PTPRG: variants seen among roughly 807,000 people sequenced by gnomAD.
The protein encoded by PTPRG is receptor-type tyrosine-protein phosphatase gamma.
In PTPRG, 102 loss-of-function variants were observed where a neutral mutation model predicts 165.3. The observed-to-expected ratio is 0.62, with a 90% CI of 0.53 to 0.73. PTPRG has a LOEUF of 0.73. Ranked by LOEUF, PTPRG falls within the 30% of genes least tolerant of loss-of-function variation. The probability of loss-of-function intolerance (pLI) is 0.00; values close to 1 mark genes in which losing one functional copy is unlikely to be tolerated. For missense variants in PTPRG, 1,866 were observed against 1,861.4 expected (o/e 1.00, Z -0.05); for synonymous variants, 675 against 669.5 (o/e 1.01, Z -0.13).
At chr3:61,798,619 G>GTT (rs375412571) in intron 2 of PTPRG, among the ~76,000 whole-genome samples, 10,441 of 128,048 alleles carry the variant, frequency 0.082, 555 homozygotes, top group South Asian at 0.17. Flanking sequence ...GTTGCTGCTG[G>GTT]TTTTTTTTTT....
At chr3:61,840,605 T>A (rs2036597613) in intron 2 of PTPRG, among the ~76,000 whole-genome samples, 1 of 152,148 alleles carries the variant, frequency 6.6e-6, no homozygotes, top group South Asian at 2.1e-4. Context: ...AATATTCTTT[T>A]ATCAAAGAAT....
rs1262099019 is a variant in PTPRG at position 62,277,557 on chromosome 3, TATAGGAGCAATGAATTTATTA to T, written c.3644_3664del (p.Tyr1215_Ile1222delinsLeu). On this transcript the variant is annotated inframe_deletion, in exon 26 of 30. Transcript: ENST00000474889. The stretch of plus-strand genomic sequence containing the variant: ...TTTGTCTTCCCAACTGAAGGGCTAT[TATAGGAGCAATGAATTTATTA>T]TAACTCAGCATCCTCTGCCACATAC... The T allele has an allele frequency of 6.2e-7, 1 of 1,610,658 alleles. No individual in the cohort carries two copies. Among genetic ancestry groups the T allele is most frequent in the Non-Finnish European group, 8.5e-7 (1 of 1,179,056 alleles).
rs529910468 is a variant in PTPRG at position 62,222,034 on chromosome 3, C to G, written c.2288+3051C>G. ...ACGGTAGGTACTATCACTGTCCTTTCTATTTGACCCACATTCTTTGACCAA... is the reference window on the plus strand; with the variant it reads ...ACGGTAGGTACTATCACTGTCCTTTGTATTTGACCCACATTCTTTGACCAA... On this transcript the variant is annotated intron_variant, in intron 13 of 29. Coordinates refer to ENST00000474889, the MANE Select transcript of PTPRG (RefSeq NM_002841.4). The surrounding 1 kb of genome is among the most constrained non-coding windows in gnomAD (Gnocchi z 4.5). Among the ~76,000 whole-genome samples the G allele has an allele frequency of 6.6e-5, 10 of 152,334 alleles. No homozygotes were observed. The highest frequency in any genetic ancestry group is 2.4e-4 in the African/African-American group (10 of 41,586).
Position 62,180,877 on chromosome 3 carries a change from A to T in PTPRG, c.1034-10592A>T, listed in dbSNP as rs140037754. On this transcript the variant is annotated intron_variant, in intron 8 of 29. Transcript: ENST00000474889. ...GTCGAAACCAGTGCTTGAACTGGAG[A>T]ATTGAATTTCTGCCTCTGCTTTCCC... 6.5e-3 allele frequency among the ~76,000 whole-genome samples: 992 copies of T among 152,258 alleles called. 10 individuals are homozygous for T. The highest frequency in any genetic ancestry group is 0.023 in the African/African-American group (954 of 41,540).
At chr3:61,592,056 C>T (rs1700583106) in intron 1 of PTPRG, among the ~76,000 whole-genome samples, 1 of 151,912 alleles carries the variant, frequency 6.6e-6, no homozygotes, top group Admixed American at 6.6e-5. Flanking sequence ...TCACCGCAGC[C>T]TCCGCCTCCT....
intron 2 of PTPRG, among the ~76,000 whole-genome samples, chr3:61,968,420 A>G (rs1034567353): frequency 3.9e-5 from 6 of 152,146 alleles, no homozygotes; most frequent in Non-Finnish European, 7.4e-5. Context: ...TCTGTGCATA[A>G]CTGTTCCTTT....
intron 4 of PTPRG, among the ~76,000 whole-genome samples, chr3:62,024,662 T>C (rs2041767674): frequency 1.3e-5 from 2 of 152,220 alleles, no homozygotes; most frequent in Non-Finnish European, 2.9e-5. Context: ...TATGTCACCC[T>C]TTCTTACCAA....
At chr3:61,865,177 T>G (rs897342668) in intron 2 of PTPRG, among the ~76,000 whole-genome samples, 1 of 152,080 alleles carries the variant, frequency 6.6e-6, no homozygotes, top group African/African-American at 2.4e-5. Context: ...AGAAATGCCT[T>G]GGATATTTGT....
intron 2 of PTPRG, among the ~76,000 whole-genome samples, chr3:61,871,432 G>C (rs746963204): frequency 6.6e-6 from 1 of 151,846 alleles, no homozygotes; most frequent in Non-Finnish European, 1.5e-5. Context: ...GGGTCTTACT[G>C]GTCTCAAGCA....
chr3:62,124,989 T>C (rs1008490162), intron 5 of PTPRG, among the ~76,000 whole-genome samples: 1 of 152,180 alleles, frequency 6.6e-6, no homozygotes, highest in Non-Finnish European at 1.5e-5. Flanking sequence ...TGAAGGATCA[T>C]CTTAGAGTGA....
At chr3:61,660,647 C>G (rs1457038976) in intron 1 of PTPRG, among the ~76,000 whole-genome samples, 2 of 152,132 alleles carry the variant, frequency 1.3e-5, no homozygotes, top group Non-Finnish European at 2.9e-5. Context: ...GCTTCTAGAA[C>G]AGCACGTGGT....
intron 1 of PTPRG, among the ~76,000 whole-genome samples, chr3:61,727,158 G>A: frequency 6.6e-6 from 1 of 152,080 alleles, no homozygotes; most frequent in East Asian, 1.9e-4. Context: ...AATAGACCTG[G>A]AGCCCAAGTT....
At chr3:62,196,217 C>G (rs1209401794) in intron 10 of PTPRG, among the ~76,000 whole-genome samples, 1 of 151,642 alleles carries the variant, frequency 6.6e-6, no homozygotes, top group East Asian at 2.0e-4. Flanking sequence ...CATGGTGAAA[C>G]CCCGTCTCTA....
chr3:62,257,066 A>T (rs1701553091), intron 16 of PTPRG, among the ~76,000 whole-genome samples: 1 of 152,174 alleles, frequency 6.6e-6, no homozygotes, highest in African/African-American at 2.4e-5. Context: ...CTGTCTTTTC[A>T]GGTTTGAAAG....
At chr3:62,113,553 G>C (rs1024839032) in intron 5 of PTPRG, among the ~76,000 whole-genome samples, 5 of 151,914 alleles carry the variant, frequency 3.3e-5, no homozygotes, top group African/African-American at 9.7e-5. Flanking sequence ...ATCAACATTT[G>C]AATACAATGT....
chr3:62,274,201 G>A (rs557525998), intron 23 of PTPRG, among the ~76,000 whole-genome samples: 1 of 152,168 alleles, frequency 6.6e-6, no homozygotes, highest in Non-Finnish European at 1.5e-5. Context: ...TAAGAATGAT[G>A]ACTTGTAGAC....
At chr3:61,602,266 C>G (rs1700889860) in intron 1 of PTPRG, among the ~76,000 whole-genome samples, 1 of 151,930 alleles carries the variant, frequency 6.6e-6, no homozygotes, top group South Asian at 2.1e-4. Flanking sequence ...CACAGTGTCT[C>G]GTTCATAGCT....
rs763411756 is a variant in PTPRG, at chr3:62,191,612, G to C, written c.1177G>C (p.Glu393Gln). The change falls in exon 9 of 30, where the codon GAG becomes CAG. Residue 393 changes from glutamate to glutamine, a missense_variant. This residue lies in a region of PTPRG where 1,452 missense variants were observed against 1,463.0 expected (regional missense o/e 0.99). Transcript: ENST00000474889. ...ISYSWTKNED[E>Q]KEKTFTKDSD... ...CTACAGCTGGACCAAGAATGAGGAC[G>C]AGAAGGAGAAGACGTTTACAAAGGA... is the stretch of plus-strand genomic sequence containing the variant. 3 of 1,614,042 alleles carry C rather than the reference G, an allele frequency of 1.9e-6. No homozygotes were observed. The highest frequency in any genetic ancestry group is 1.3e-5 in the African/African-American group (1 of 74,914).
chr3:61,755,915 G>A (rs764635349), intron 2 of PTPRG, among the ~76,000 whole-genome samples: 1 of 152,192 alleles, frequency 6.6e-6, no homozygotes, highest in African/African-American at 2.4e-5. Context: ...TAAGACCACT[G>A]GTTGTAGGGT....
Sources: allele counts gnomAD v4.1 joint callset (sites outside exome capture counted in the v4.1 genomes callset), GRCh38; gene constraint gnomAD v4.1.1; regional missense constraint gnomAD v4.1.1; non-coding constraint Gnocchi (gnomAD v3.1); transcripts MANE v1.5; gene names NCBI Gene and HGNC (gene_info 2026-07-23, HGNC 2026-07-21).